RHBDL3: variants seen among roughly 807,000 people sequenced by gnomAD.
The protein encoded by RHBDL3 is rhomboid-related protein 3.
Under a neutral mutation model 48.2 loss-of-function variants are expected in RHBDL3, and 28 were observed. The ratio of observed to expected loss-of-function variants is 0.58; its 90% CI spans 0.43 to 0.80. The LOEUF is 0.80. Ranked by LOEUF, RHBDL3 falls within the 30% of genes least tolerant of loss-of-function variation. The probability of loss-of-function intolerance (pLI) is 0.00; values close to 1 mark genes in which losing one functional copy is unlikely to be tolerated. For missense variants in RHBDL3, 464 were observed against 542.7 expected (o/e 0.85, Z 1.44); for synonymous variants, 208 against 232.3 (o/e 0.90, Z 0.95).
chr17:32,321,115 C>T lies in RHBDL3; in HGVS notation c.1101C>T (p.Asp367=). 1 of 1,614,250 alleles carries T rather than the reference C, an allele frequency of 6.2e-7. No individual in the cohort carries two copies. The highest frequency in any genetic ancestry group is 8.5e-7 in the Non-Finnish European group (1 of 1,180,046). Residue 367 remains aspartate, a synonymous_variant, in exon 9 of 9, where the codon GAC becomes GAT. Coordinates refer to ENST00000269051, the MANE Select transcript of RHBDL3 (RefSeq NM_138328.3). ...GGAACTACGAGCAGAGGCTCCAGGACCAGTCACTGTGGTGGATTTTTGTGG... is the reference window on the plus strand; with the variant it reads ...GGAACTACGAGCAGAGGCTCCAGGATCAGTCACTGTGGTGGATTTTTGTGG... ...VLRNYEQRLQ[D]QSLWWIFVAM...
chr17:32,292,996 G>C (rs1465343829), intron 4 of RHBDL3, among the ~76,000 whole-genome samples: 4 of 151,870 alleles, frequency 2.6e-5, no homozygotes, highest in African/African-American at 9.7e-5. Context: ...TCAAAAAAAA[G>C]GGGGATCATT....
chr17:32,308,604 G>C (rs559638501), intron 7 of RHBDL3, among the ~76,000 whole-genome samples: 1 of 152,184 alleles, frequency 6.6e-6, no homozygotes, highest in South Asian at 2.1e-4. Context: ...ACAGAGTGAA[G>C]CCCTGTCTCA....
chr17:32,321,166 C>T lies in RHBDL3; in HGVS notation c.1152C>T (p.Phe384=), dbSNP rs779193415. Residue 384 remains phenylalanine (F), a synonymous_variant, in exon 9 of 9, where the codon TTC becomes TTT. Coordinates refer to ENST00000269051, the MANE Select transcript of RHBDL3 (RefSeq NM_138328.3). ...FVAMYTVFVL[F]AVFWNIFAYT... ...CCATGTACACCGTCTTCGTGCTGTT[C>T]GCTGTCTTCTGGAACATCTTTGCCT... 44 of 1,614,046 alleles carry T rather than the reference C, an allele frequency of 2.7e-5. No homozygotes were observed. The highest frequency in any genetic ancestry group is 1.6e-4 in the African/African-American group (12 of 74,946).
Position 32,316,217 on chromosome 17 carries a change from C to A in RHBDL3, c.883-15C>A, listed in dbSNP as rs769548895. ...GGTCTAATCTGGAACTGACTGAGCT[C>A]TCCTTTTTCCCTAGAACTGGTCAGG... is the stretch of plus-strand genomic sequence containing the variant. On this transcript the variant is annotated splice_polypyrimidine_tract_variant and intron_variant, in intron 7 of 8. Transcript: ENST00000269051. The A allele has an allele frequency of 6.2e-7, 1 of 1,607,054 alleles. No homozygotes were observed. The highest frequency in any genetic ancestry group is 1.7e-5 in the Admixed American group (1 of 59,928).
At position 32,266,019 on chromosome 17, in the gene RHBDL3, G is replaced by T. The variant is rs1425090168; in HGVS notation, c.-171G>T. Among the ~76,000 whole-genome samples the T allele has an allele frequency of 6.8e-6, 1 of 145,996 alleles. No homozygotes were observed. The highest frequency in any genetic ancestry group is 6.8e-5 in the Admixed American group (1 of 14,724). On this transcript the variant is annotated 5_prime_UTR_variant, in exon 1 of 9. Transcript: ENST00000269051. ...CGTCCCGGGGTCGCGAGGAGGCGGCGGCGGCGCGGGGACCGGGGCCATGGG... is the reference window on the plus strand; with the variant it reads ...CGTCCCGGGGTCGCGAGGAGGCGGCTGCGGCGCGGGGACCGGGGCCATGGG...
chr17:32,289,032 G>A lies in RHBDL3; in HGVS notation c.519+16G>A. 6.2e-7 allele frequency: 1 copy of A among 1,611,290 alleles called. No homozygotes were observed. The highest frequency in any genetic ancestry group is 1.3e-5 in the African/African-American group (1 of 75,004). The stretch of plus-strand genomic sequence containing the variant: ...GCTGCTGGAGGCAAGGACAAGGGTG[G>A]GGAGGGGGTTGCTCTGCCTTGGGGA... On this transcript the variant is annotated intron_variant, in intron 4 of 8. Coordinates refer to ENST00000269051, the MANE Select transcript of RHBDL3 (RefSeq NM_138328.3).
chr17:32,276,530 C>A (rs1402138335), intron 2 of RHBDL3, among the ~76,000 whole-genome samples: 1 of 152,148 alleles, frequency 6.6e-6, no homozygotes, highest in Non-Finnish European at 1.5e-5. Flanking sequence ...AACCCCTGGG[C>A]AGCCTCGTTA....
chr17:32,272,910 T>C (rs1013342217), intron 2 of RHBDL3, among the ~76,000 whole-genome samples: 1 of 152,220 alleles, frequency 6.6e-6, no homozygotes, highest in Admixed American at 6.5e-5. Context: ...GCAGCCCCTC[T>C]GCCACCGTAT....
intron 6 of RHBDL3, among the ~76,000 whole-genome samples, chr17:32,299,204 A>G (rs2040526618): frequency 6.6e-6 from 1 of 152,156 alleles, no homozygotes; most frequent in African/African-American, 2.4e-5. Context: ...AGCCTTGTAA[A>G]CAACAGGCAG....
intron 4 of RHBDL3, among the ~76,000 whole-genome samples, chr17:32,289,836 A>G (rs2040285273): frequency 6.6e-6 from 1 of 152,182 alleles, no homozygotes; most frequent in Non-Finnish European, 1.5e-5. Context: ...CACGGGCCTA[A>G]TTACCGCCTC....
intron 7 of RHBDL3, among the ~76,000 whole-genome samples, chr17:32,308,437 C>T (rs925777408): frequency 1.3e-5 from 2 of 152,106 alleles, no homozygotes; most frequent in East Asian, 3.9e-4. Context: ...AAAAATTATC[C>T]TGGTGTGGTG....
chr17:32,296,766 C>T (rs2040460952), intron 5 of RHBDL3, among the ~76,000 whole-genome samples: 2 of 150,408 alleles, frequency 1.3e-5, no homozygotes, highest in South Asian at 4.2e-4. Flanking sequence ...TTTAAACACC[C>T]GTAGCTCTTT....
Position 32,309,224 on chromosome 17 carries a change from C to T in RHBDL3, c.882+3783C>T, listed in dbSNP as rs542837673. On this transcript the variant is annotated intron_variant, in intron 7 of 8. Transcript: ENST00000269051. ...TGTGTGTGTGTGTGTGTGAGATACA[C>T]AGTAAAGTACCTCATCAGAACTAAA... Among the ~76,000 whole-genome samples the T allele has an allele frequency of 6.6e-5, 10 of 150,962 alleles. No homozygotes were observed. The East Asian group carries it at 1.8e-3, about 27-fold the overall frequency.
chr17:32,303,463 A>AT (rs1176057959), intron 6 of RHBDL3, among the ~76,000 whole-genome samples: 2 of 152,118 alleles, frequency 1.3e-5, no homozygotes, highest in African/African-American at 4.8e-5. Flanking sequence ...CCACCCTGGG[A>AT]TTTTTCTTTC....
At position 32,321,592 on chromosome 17, in the gene RHBDL3, T is replaced by A. The variant is rs534845685; in HGVS notation, c.*363T>A. On this transcript the variant is annotated 3_prime_UTR_variant, in exon 9 of 9. Coordinates refer to ENST00000269051, the MANE Select transcript of RHBDL3 (RefSeq NM_138328.3). ...TTGAGCAGCAGCTTCTTCCTCCTCCTCTACCCTCAGAGACCCTAAGAGACA... is the reference window on the plus strand; with the variant it reads ...TTGAGCAGCAGCTTCTTCCTCCTCCACTACCCTCAGAGACCCTAAGAGACA... 1.2e-4 allele frequency: 49 copies of A among 407,580 alleles called. 2 individuals carry two copies. Among genetic ancestry groups the A allele is most frequent in the South Asian group, 1.1e-3 (49 of 46,202 alleles). The allele number at this position is 407,580 out of a possible 1,614,324, so 25.2% of individuals were successfully genotyped here. A position where few individuals can be genotyped will look rare whatever the true frequency, so the allele number is the denominator to read the frequency against.
chr17:32,295,534 G>T (rs749757539), intron 5 of RHBDL3, among the ~76,000 whole-genome samples: 1 of 152,218 alleles, frequency 6.6e-6, no homozygotes, highest in African/African-American at 2.4e-5. Context: ...CAACAGACAC[G>T]GGGGCTTCCC....
At chr17:32,270,722 G>A (rs1291345048) in intron 2 of RHBDL3, among the ~76,000 whole-genome samples, 1 of 152,082 alleles carries the variant, frequency 6.6e-6, no homozygotes, top group African/African-American at 2.4e-5. Context: ...CAGCAGGTGG[G>A]AGACCTGAGG....
At chr17:32,266,551 T>G (rs1203151605) in intron 1 of RHBDL3, among the ~76,000 whole-genome samples, 3 of 151,640 alleles carry the variant, frequency 2.0e-5, no homozygotes, top group Non-Finnish European at 3.0e-5. Flanking sequence ...CGCGGACCTG[T>G]CACCGCCGGA....
At chr17:32,277,012 T>A (rs1669788735) in intron 2 of RHBDL3, among the ~76,000 whole-genome samples, 1 of 152,216 alleles carries the variant, frequency 6.6e-6, no homozygotes, top group Admixed American at 6.5e-5. Context: ...CACACGTGCC[T>A]GTGCTCATTT....
Sources: gnomAD v4.1 joint callset for allele counts (sites outside exome capture counted in the v4.1 genomes callset) on GRCh38, gnomAD v4.1.1 for gene constraint, MANE v1.5 for transcripts, NCBI Gene and HGNC (gene_info 2026-07-23, HGNC 2026-07-21) for gene names.